Variants in ELMO1 observed in about 807,000 individuals in gnomAD.
ELMO1 encodes the protein engulfment and cell motility 1.
In ELMO1, 26 loss-of-function variants were observed where a neutral mutation model predicts 98.9. The observed-to-expected ratio is 0.26, with a 90% confidence interval of 0.19 to 0.36. The LOEUF (loss-of-function observed/expected upper bound fraction) is 0.36. ELMO1 is among the 10% of genes least tolerant of loss of function. ELMO1 has a pLI of 1.00. For missense variants in ELMO1, 627 were observed against 935.2 expected (o/e 0.67, Z 4.30); for synonymous variants, 346 against 346.0 (o/e 1.00, Z 0.00).
intron 16 of ELMO1, among the ~76,000 whole-genome samples, chr7:36,956,203 ACCACTATCCTTT>A (rs1405159451): frequency 6.6e-6 from 1 of 152,116 alleles, no homozygotes; most frequent in Admixed American, 6.5e-5. Flanking sequence ...CTGCTTCCAG[ACCACTATCCTTT>A]CCACTTGCTA....
chr7:36,920,629 T>A (rs1016555544), intron 16 of ELMO1, among the ~76,000 whole-genome samples: 2 of 152,220 alleles, frequency 1.3e-5, no homozygotes, highest in African/African-American at 4.8e-5. Context: ...CATGAAAGGC[T>A]TTTAAAAAAA....
At chr7:37,198,667 C>T (rs1216113560) in intron 13 of ELMO1, among the ~76,000 whole-genome samples, 1 of 152,236 alleles carries the variant, frequency 6.6e-6, no homozygotes, top group Non-Finnish European at 1.5e-5. Flanking sequence ...GAGACCCTGA[C>T]GTTTCTTTGC....
chr7:36,986,108 C>T, intron 16 of ELMO1: 1 of 990,084 alleles, frequency 1.0e-6, no homozygotes, highest in African/African-American at 1.7e-5. Flanking sequence ...CGCCGCACAC[C>T]TTTAAATGGT....
At chr7:37,307,137 G>A (rs1798651796) in intron 4 of ELMO1, among the ~76,000 whole-genome samples, 1 of 152,206 alleles carries the variant, frequency 6.6e-6, no homozygotes, top group African/African-American at 2.4e-5. Context: ...TATGCTAGGA[G>A]TGTCTGAATC....
At chr7:36,946,321 A>C (rs1787480721) in intron 16 of ELMO1, among the ~76,000 whole-genome samples, 1 of 152,234 alleles carries the variant, frequency 6.6e-6, no homozygotes. Context: ...GACTGGGGGC[A>C]GCTATGAGGA....
At chr7:37,415,218 G>C (rs1015797345) in intron 1 of ELMO1, among the ~76,000 whole-genome samples, 1 of 152,222 alleles carries the variant, frequency 6.6e-6, no homozygotes, top group African/African-American at 2.4e-5. Flanking sequence ...GCTACTGCCT[G>C]AGCAAATTAG....
chr7:37,340,364 C>T (rs1800649699), intron 2 of ELMO1, among the ~76,000 whole-genome samples: 1 of 152,152 alleles, frequency 6.6e-6, no homozygotes, highest in East Asian at 1.9e-4. Flanking sequence ...GTTCTTTGTA[C>T]TATCCTGGCA....
chr7:37,297,737 A>T (rs1798113638), intron 4 of ELMO1, among the ~76,000 whole-genome samples: 1 of 152,122 alleles, frequency 6.6e-6, no homozygotes, highest in Non-Finnish European at 1.5e-5. Flanking sequence ...AGGAAATATG[A>T]CTCACTGAGG....
intron 16 of ELMO1, among the ~76,000 whole-genome samples, chr7:36,960,855 T>C (rs1458108184): frequency 1.3e-5 from 2 of 152,072 alleles, no homozygotes; most frequent in Non-Finnish European, 2.9e-5. Flanking sequence ...CACTGGGCCC[T>C]ATGCAAACCA....
chr7:37,238,637 T>A (rs1271051607), intron 7 of ELMO1, among the ~76,000 whole-genome samples: 1 of 152,222 alleles, frequency 6.6e-6, no homozygotes, highest in African/African-American at 2.4e-5. Context: ...TCTCAGTCTG[T>A]AGGGTAGAAA....
intron 1 of ELMO1, among the ~76,000 whole-genome samples, chr7:37,431,083 T>G (rs556710734): frequency 6.6e-6 from 1 of 152,332 alleles, no homozygotes; most frequent in African/African-American, 2.4e-5. Context: ...CTTCCAGTAA[T>G]TCCAGTGCTT....
At chr7:37,174,851 C>T (rs1375327435) in intron 13 of ELMO1, among the ~76,000 whole-genome samples, 1 of 152,142 alleles carries the variant, frequency 6.6e-6, no homozygotes, top group African/African-American at 2.4e-5. Flanking sequence ...CACTTGTAAG[C>T]ACTAGCTTTC....
At chr7:36,864,703 T>C (rs1802893514) in intron 20 of ELMO1, among the ~76,000 whole-genome samples, 1 of 152,194 alleles carries the variant, frequency 6.6e-6, no homozygotes, top group South Asian at 2.1e-4. Flanking sequence ...CTGTCACTGA[T>C]CTGTGCCCCC....
intron 16 of ELMO1, among the ~76,000 whole-genome samples, chr7:36,912,124 C>T (rs755136701): frequency 8.5e-5 from 13 of 152,156 alleles, no homozygotes; most frequent in Non-Finnish European, 1.6e-4. Flanking sequence ...TCTTCTAATG[C>T]GGTGAAGCTT....
chr7:37,360,646 T>A (rs1801667393), intron 1 of ELMO1, among the ~76,000 whole-genome samples: 1 of 152,146 alleles, frequency 6.6e-6, no homozygotes, highest in Non-Finnish European at 1.5e-5. Flanking sequence ...AAATTAGGCT[T>A]CTCACATTTC....
intron 4 of ELMO1, among the ~76,000 whole-genome samples, chr7:37,294,147 G>A (rs1007497439): frequency 2.6e-5 from 4 of 152,168 alleles, no homozygotes; most frequent in Admixed American, 6.5e-5. Context: ...ACTTCACACT[G>A]CAAGAAGATC....
At position 36,887,595 on chromosome 7, in the gene ELMO1, G is replaced by A. The variant is rs1805140874; in HGVS notation, c.1679C>T (p.Thr560Ile). The change falls in exon 18 of 22, where the codon ACC becomes ATC. Residue 560 changes from threonine (T) to isoleucine (I), a missense_variant. Physicochemically the swap from Thr to Ile is moderately conservative, Grantham distance 89. Coordinates refer to ENST00000310758, the MANE Select transcript of ELMO1 (RefSeq NM_014800.11). Reference protein sequence around the residue: ...QQRLNRLVEGTCFRKLNARRR... With the variant: ...QQRLNRLVEGICFRKLNARRR... ...CCGGGCATTGAGTTTCCTAAAGCAG[G>A]TCCCTTCCACAAGGCGGTTCAGGCG... 1.2e-6 allele frequency: 2 copies of A among 1,613,934 alleles called. No individual in the cohort carries two copies. The highest frequency in any genetic ancestry group is 1.7e-6 in the Non-Finnish European group (2 of 1,179,954).
chr7:36,908,742 C>T (rs990410415), intron 16 of ELMO1, among the ~76,000 whole-genome samples: 6 of 152,206 alleles, frequency 3.9e-5, no homozygotes, highest in Middle Eastern at 3.4e-3. Flanking sequence ...AATTAGAAAA[C>T]GTATGTTTAA....
chr7:37,031,118 C>T (rs1340331254), intron 15 of ELMO1, among the ~76,000 whole-genome samples: 1 of 152,172 alleles, frequency 6.6e-6, no homozygotes, highest in Non-Finnish European at 1.5e-5. Flanking sequence ...CTCATCACTG[C>T]TCTTCCGGAT....
Sources: gnomAD v4.1 joint callset for allele counts (sites outside exome capture counted in the v4.1 genomes callset) on GRCh38, gnomAD v4.1.1 for gene constraint, MANE v1.5 for transcripts, NCBI Gene and HGNC (gene_info 2026-07-23, HGNC 2026-07-21) for gene names.